The following TAFA2 variants were observed in gnomAD, a reference collection of about 807,000 sequenced individuals.
The protein encoded by TAFA2 is TAFA chemokine like family member 2, also known as chemokine-like protein TAFA-2.
A neutral mutation model predicts 18.8 loss-of-function variants in TAFA2; 7 were observed. The ratio of observed to expected loss-of-function variants is 0.37; its 90% CI spans 0.21 to 0.70. TAFA2 has a LOEUF of 0.70. Among genes scored for constraint, TAFA2 ranks in the 30% least tolerant of loss-of-function variants. The pLI is 0.53. For synonymous variants in TAFA2, 60 were observed against 54.2 expected, an observed-to-expected ratio of 1.11 and a Z score of -0.47; for missense variants, 122 against 158.1, an observed-to-expected ratio of 0.77 and a Z score of 1.23.
intron 1 of TAFA2, among the ~76,000 whole-genome samples, chr12:62,203,523 G>A: frequency 6.6e-6 from 1 of 152,184 alleles, no homozygotes; most frequent in East Asian, 1.9e-4. Context: ...GGGTCCTCCT[G>A]TATTGGGTGC....
At chr12:62,213,043 C>A (rs181975173) in intron 1 of TAFA2, among the ~76,000 whole-genome samples, 3 of 152,040 alleles carry the variant, frequency 2.0e-5, no homozygotes, top group Admixed American at 2.0e-4. Context: ...AAATAGAGGC[C>A]GCAAATTTTG....
chr12:62,189,932 A>C (rs2062610551), intron 1 of TAFA2, among the ~76,000 whole-genome samples: 1 of 101,134 alleles, frequency 9.9e-6, no homozygotes, highest in South Asian at 3.1e-4. Flanking sequence ...GTTGCTTATG[A>C]GTTTGCTTTG....
At chr12:61,942,225 G>C (rs1878061841) in intron 1 of TAFA2, among the ~76,000 whole-genome samples, 1 of 141,942 alleles carries the variant, frequency 7.0e-6, no homozygotes, top group South Asian at 2.3e-4. Flanking sequence ...TATTCCAACA[G>C]ACCTGCAGCT....
At chr12:61,811,923 A>C (rs961263314) in intron 2 of TAFA2, among the ~76,000 whole-genome samples, 1 of 151,510 alleles carries the variant, frequency 6.6e-6, no homozygotes, top group Non-Finnish European at 1.5e-5. Context: ...AGAGTTATAC[A>C]CTAGGTAGAT....
intron 4 of TAFA2, among the ~76,000 whole-genome samples, chr12:61,711,063 G>A (rs1463297793): frequency 1.3e-5 from 2 of 151,940 alleles, no homozygotes; most frequent in East Asian, 3.9e-4. Context: ...AAATTGATTG[G>A]AATATACTAT....
chr12:61,797,866 T>C (rs1871248797), intron 2 of TAFA2, among the ~76,000 whole-genome samples: 1 of 152,212 alleles, frequency 6.6e-6, no homozygotes, highest in Non-Finnish European at 1.5e-5. Flanking sequence ...TTAGACTTTC[T>C]CCTGTATGAA....
At chr12:62,130,626 T>C (rs1248043967) in intron 1 of TAFA2, among the ~76,000 whole-genome samples, 2 of 151,982 alleles carry the variant, frequency 1.3e-5, no homozygotes, top group Non-Finnish European at 2.9e-5. Context: ...GTACCTACTA[T>C]GTGGCAGGCA....
At chr12:61,748,885 G>A (rs1329443397) in intron 4 of TAFA2, among the ~76,000 whole-genome samples, 1 of 128,918 alleles carries the variant, frequency 7.8e-6, no homozygotes, top group Non-Finnish European at 1.7e-5. Flanking sequence ...TCATTCTTAT[G>A]CTATTCTATT....
chr12:62,060,480 T>C (rs1418180397), intron 1 of TAFA2, among the ~76,000 whole-genome samples: 1 of 152,210 alleles, frequency 6.6e-6, no homozygotes, highest in East Asian at 1.9e-4. Flanking sequence ...GCACATACAA[T>C]AATGTACAAT....
At chr12:62,050,946 C>T (rs755327163) in intron 1 of TAFA2, among the ~76,000 whole-genome samples, 6 of 152,170 alleles carry the variant, frequency 3.9e-5, no homozygotes, top group Non-Finnish European at 8.8e-5. Flanking sequence ...TTCATCAGTG[C>T]TTTAAAAAGC....
At chr12:61,846,931 C>A (rs558037110) in intron 2 of TAFA2, among the ~76,000 whole-genome samples, 1 of 152,124 alleles carries the variant, frequency 6.6e-6, no homozygotes, top group African/African-American at 2.4e-5. Flanking sequence ...ATCAAACAAG[C>A]GACTTTGTGA....
chr12:62,153,738 G>A (rs145576776), intron 1 of TAFA2, among the ~76,000 whole-genome samples: 93 of 152,020 alleles, frequency 6.1e-4, no homozygotes, highest in African/African-American at 2.2e-3. Flanking sequence ...AAGAGTATAG[G>A]ATGCGGAATA....
At chr12:61,715,587 C>T (rs1341814233) in intron 4 of TAFA2, among the ~76,000 whole-genome samples, 1 of 151,752 alleles carries the variant, frequency 6.6e-6, no homozygotes, top group African/African-American at 2.4e-5. Flanking sequence ...CTCTCGACCT[C>T]GTTATCCGCC....
chr12:61,828,497 T>C (rs560660772), intron 2 of TAFA2, among the ~76,000 whole-genome samples: 4 of 151,950 alleles, frequency 2.6e-5, no homozygotes, highest in African/African-American at 9.6e-5. Flanking sequence ...TAATAAAGTG[T>C]GGTCTATTTG....
chr12:61,987,762 C>G (rs1879866939), intron 1 of TAFA2, among the ~76,000 whole-genome samples: 1 of 152,154 alleles, frequency 6.6e-6, no homozygotes, highest in Non-Finnish European at 1.5e-5. Context: ...TACAAAAGGT[C>G]TCTTTTGTGG....
At chr12:61,874,349 T>G (rs1359758868) in intron 1 of TAFA2, among the ~76,000 whole-genome samples, 1 of 152,166 alleles carries the variant, frequency 6.6e-6, no homozygotes, top group Non-Finnish European at 1.5e-5. Context: ...AAGTTTGATG[T>G]ATCAGTGTTT....
chr12:62,012,267 G>C (rs1331966765), intron 1 of TAFA2, among the ~76,000 whole-genome samples: 3 of 152,028 alleles, frequency 2.0e-5, no homozygotes, highest in Non-Finnish European at 4.4e-5. Flanking sequence ...TAATAAATCT[G>C]TTTTTTCATA....
chr12:61,767,801 GA>G lies in TAFA2; in HGVS notation c.107-12778del, dbSNP rs933371489. On this transcript the variant is annotated intron_variant, in intron 2 of 4. Transcript: ENST00000416284. ...AAGCTCATTTTTTTTTTAGTTTTTA[GA>G]AAAAAAAAGCTAATAGCTCTTTGAA... Among the ~76,000 whole-genome samples the G allele has an allele frequency of 6.2e-3, 915 of 148,476 alleles. 10 individuals are homozygous for G. Among genetic ancestry groups the G allele is most frequent in the African/African-American group, 0.02 (829 of 40,590 alleles).
intron 1 of TAFA2, among the ~76,000 whole-genome samples, chr12:62,232,278 C>T (rs1236795887): frequency 6.6e-6 from 1 of 152,190 alleles, no homozygotes; most frequent in Non-Finnish European, 1.5e-5. Context: ...CTGGCCAAAG[C>T]CACCTTGACT....
Sources: allele counts gnomAD v4.1 joint callset (sites outside exome capture counted in the v4.1 genomes callset), GRCh38; gene constraint gnomAD v4.1.1; transcripts MANE v1.5; gene names NCBI Gene and HGNC (gene_info 2026-07-23, HGNC 2026-07-21).